XPNPEP3: variants seen among roughly 807,000 people sequenced by gnomAD.
The protein encoded by XPNPEP3 is xaa-Pro aminopeptidase 3.
Under a neutral mutation model 60.0 loss-of-function variants are expected in XPNPEP3, and 41 were observed. The observed-to-expected ratio is 0.68, with a 90% CI of 0.53 to 0.89. The LOEUF (loss-of-function observed/expected upper bound fraction) is 0.89. Among genes scored for constraint, XPNPEP3 ranks in the 40% least tolerant of loss-of-function variants. The pLI, the probability that XPNPEP3 is intolerant of heterozygous loss-of-function variation, is 0.00. For missense variants in XPNPEP3, 598 were observed against 638.9 expected, an observed-to-expected ratio of 0.94 and a Z score of 0.69; for synonymous variants, 212 against 223.2, an observed-to-expected ratio of 0.95 and a Z score of 0.45.
At chr22:40,891,601 A>C (rs1310448363) in intron 4 of XPNPEP3, among the ~76,000 whole-genome samples, 2 of 151,742 alleles carry the variant, frequency 1.3e-5, no homozygotes, top group African/African-American at 4.8e-5. Context: ...TGCAGTGAGC[A>C]GAGATCGCAC....
At chr22:40,876,380 A>G (rs1407356557) in intron 2 of XPNPEP3, among the ~76,000 whole-genome samples, 8 of 152,362 alleles carry the variant, frequency 5.3e-5, no homozygotes, top group East Asian at 1.9e-4. Flanking sequence ...GGTAATAATT[A>G]TAGCTAATAC....
At chr22:40,921,607 TA>T (rs1179111984) in intron 7 of XPNPEP3, among the ~76,000 whole-genome samples, 1 of 152,090 alleles carries the variant, frequency 6.6e-6, no homozygotes, top group Non-Finnish European at 1.5e-5. Context: ...ATTCTTCTAT[TA>T]GGGGACATTT....
intron 1 of XPNPEP3, among the ~76,000 whole-genome samples, chr22:40,866,575 A>G (rs532157477): frequency 2.0e-5 from 3 of 152,292 alleles, no homozygotes; most frequent in East Asian, 1.9e-4. Flanking sequence ...TGTGGCTGCA[A>G]TAATGTTTTT....
At chr22:40,897,580 C>T (rs2058113861) in intron 4 of XPNPEP3, among the ~76,000 whole-genome samples, 1 of 151,862 alleles carries the variant, frequency 6.6e-6, no homozygotes, top group African/African-American at 2.4e-5. Flanking sequence ...TAGCTCCCTG[C>T]AGCCTCGAAC....
At position 40,926,587 on chromosome 22, in the gene XPNPEP3, G is replaced by T. The variant is rs997505988; in HGVS notation, c.*152G>T. On this transcript the variant is annotated 3_prime_UTR_variant, in exon 10 of 10. Coordinates refer to ENST00000357137, the MANE Select transcript of XPNPEP3 (RefSeq NM_022098.4). Reference sequence around the variant, plus strand: ...GTGTGAATGTATGTAATTGTGTGTGGGGGGTTTTTTGTTTTAAGTAGTTAG... The same window carrying T: ...GTGTGAATGTATGTAATTGTGTGTGTGGGGTTTTTTGTTTTAAGTAGTTAG... The T allele has an allele frequency of 1.5e-5, 16 of 1,034,414 alleles. No homozygotes were observed. The highest frequency in any genetic ancestry group is 7.9e-5 in the African/African-American group (5 of 63,294). The allele number at this position is 1,034,414 out of a possible 1,614,324, so 64.1% of individuals were successfully genotyped here.
chr22:40,901,199 A>G (rs1386762719), intron 4 of XPNPEP3, among the ~76,000 whole-genome samples: 8 of 151,384 alleles, frequency 5.3e-5, no homozygotes, highest in African/African-American at 1.9e-4. Flanking sequence ...CAAATCATAT[A>G]TCTGATAAGG....
chr22:40,908,856 A>G (rs1303339588), intron 5 of XPNPEP3, among the ~76,000 whole-genome samples: 2 of 152,196 alleles, frequency 1.3e-5, no homozygotes, highest in Admixed American at 6.5e-5. Flanking sequence ...AACACTAAAG[A>G]AAAAAGAACA....
At chr22:40,868,683 C>G (rs1416080703) in intron 1 of XPNPEP3, among the ~76,000 whole-genome samples, 2 of 151,858 alleles carry the variant, frequency 1.3e-5, no homozygotes, top group Non-Finnish European at 2.9e-5. Flanking sequence ...GATTAAACCC[C>G]GTCTCTACAA....
chr22:40,903,300 G>A (rs753820476), intron 4 of XPNPEP3, among the ~76,000 whole-genome samples: 8 of 152,156 alleles, frequency 5.3e-5, no homozygotes, highest in South Asian at 2.1e-4. Flanking sequence ...AAAGTTAAAC[G>A]TTCTGTTTTC....
chr22:40,901,600 T>A (rs1569026664), intron 4 of XPNPEP3, among the ~76,000 whole-genome samples: 1 of 152,180 alleles, frequency 6.6e-6, no homozygotes, highest in Non-Finnish European at 1.5e-5. Context: ...TAGGCCCAGC[T>A]ACTTGAGAGG....
intron 6 of XPNPEP3, among the ~76,000 whole-genome samples, chr22:40,910,385 T>C (rs2058172791): frequency 6.6e-6 from 1 of 152,108 alleles, no homozygotes; most frequent in African/African-American, 2.4e-5. Flanking sequence ...GCTCTGTATG[T>C]AGTTTGGAGG....
chr22:40,865,569 C>T (rs2057974360), intron 1 of XPNPEP3, among the ~76,000 whole-genome samples: 1 of 151,986 alleles, frequency 6.6e-6, no homozygotes, highest in South Asian at 2.1e-4. Context: ...CTCAGGTGAT[C>T]CACTTGCCTC....
At chr22:40,898,504 C>T (rs938663672) in intron 4 of XPNPEP3, among the ~76,000 whole-genome samples, 41 of 133,088 alleles carry the variant, frequency 3.1e-4, no homozygotes, top group Non-Finnish European at 4.6e-4. Flanking sequence ...CCACCCGCCT[C>T]GGCCTCCCAA....
intron 2 of XPNPEP3, chr22:40,870,292 T>C (rs772291545): frequency 6.7e-6 from 2 of 298,480 alleles, no homozygotes; most frequent in Non-Finnish European, 1.3e-5. Context: ...TTTTACATGG[T>C]AAGCTGCATT....
At chr22:40,906,118 T>TTAA (rs2058154494) in intron 4 of XPNPEP3, among the ~76,000 whole-genome samples, 2 of 152,080 alleles carry the variant, frequency 1.3e-5, no homozygotes, top group South Asian at 4.2e-4. Flanking sequence ...GTTTGTTTGT[T>TTAA]TTTAGAGAGA....
chr22:40,884,600 C>T (rs2058061341), intron 3 of XPNPEP3, among the ~76,000 whole-genome samples: 1 of 151,598 alleles, frequency 6.6e-6, no homozygotes, highest in Non-Finnish European at 1.5e-5. Context: ...TCCCAGGGTG[C>T]TGGGATTACA....
chr22:40,915,952 T>G (rs1360580022), intron 7 of XPNPEP3, among the ~76,000 whole-genome samples: 1 of 152,054 alleles, frequency 6.6e-6, no homozygotes, highest in African/African-American at 2.4e-5. Context: ...TTTCTAGACA[T>G]GAGAAGAAAC....
At chr22:40,916,143 T>C (rs1255701224) in intron 7 of XPNPEP3, among the ~76,000 whole-genome samples, 1 of 151,772 alleles carries the variant, frequency 6.6e-6, no homozygotes, top group Non-Finnish European at 1.5e-5. Flanking sequence ...AATACAAAAA[T>C]TAGCTGAGTG....
chr22:40,902,478 C>T (rs376772199), intron 4 of XPNPEP3, among the ~76,000 whole-genome samples: 1 of 152,056 alleles, frequency 6.6e-6, no homozygotes, highest in East Asian at 1.9e-4. Flanking sequence ...TCTCGATCTC[C>T]TGACCTCGTG....
Sources: allele counts gnomAD v4.1 joint callset (sites outside exome capture counted in the v4.1 genomes callset), GRCh38; gene constraint gnomAD v4.1.1; transcripts MANE v1.5; gene names NCBI Gene and HGNC (gene_info 2026-07-23, HGNC 2026-07-21).